Variants in RARB observed in about 807,000 individuals in gnomAD.
The protein encoded by RARB is HBV-activated protein.
In RARB, 17 loss-of-function variants were observed where a neutral mutation model predicts 51.9. That is an observed-to-expected ratio of 0.33 (90% CI 0.22 to 0.49). The LOEUF is 0.49. RARB is among the 20% of genes least tolerant of loss of function. The probability of loss-of-function intolerance (pLI) is 0.99; values close to 1 mark genes in which losing one functional copy is unlikely to be tolerated. For missense variants in RARB, 369 were observed against 550.8 expected (o/e 0.67, Z 3.30); for synonymous variants, 215 against 195.4 (o/e 1.10, Z -0.84).
At chr3:25,275,189 C>T (rs565664053) in intron 5 of RARB, among the ~76,000 whole-genome samples, 29 of 152,256 alleles carry the variant, frequency 1.9e-4, no homozygotes, top group African/African-American at 6.3e-4. Context: ...TGGCTAGGCG[C>T]GGTGGCTCAC....
chr3:25,443,945 A>G (rs944201433), intron 1 of RARB, among the ~76,000 whole-genome samples: 1 of 152,132 alleles, frequency 6.6e-6, no homozygotes, highest in South Asian at 2.1e-4. Context: ...AGTAATAATA[A>G]TAATAATAAA....
intron 2 of RARB, among the ~76,000 whole-genome samples, chr3:25,039,021 T>A (rs1203612971): frequency 6.6e-6 from 1 of 152,194 alleles, no homozygotes; most frequent in African/African-American, 2.4e-5. Flanking sequence ...GGTTTAGAAC[T>A]AATGGGAAAG....
chr3:25,298,610 A>G (rs551204856), intron 5 of RARB, among the ~76,000 whole-genome samples: 1 of 152,108 alleles, frequency 6.6e-6, no homozygotes, highest in African/African-American at 2.4e-5. Context: ...AGTCCCGGGT[A>G]TGACACTAGC....
intron 2 of RARB, among the ~76,000 whole-genome samples, chr3:24,947,996 GCT>G (rs1695811280): frequency 6.6e-6 from 1 of 151,812 alleles, no homozygotes; most frequent in Non-Finnish European, 1.5e-5. Context: ...AGCTCTATGA[GCT>G]CTCTTTGCTC....
chr3:25,161,970 A>T (rs1218989055), intron 4 of RARB, among the ~76,000 whole-genome samples: 1 of 152,196 alleles, frequency 6.6e-6, no homozygotes, highest in Non-Finnish European at 1.5e-5. Flanking sequence ...ACCAAGACAG[A>T]CAGACACACA....
intron 1 of RARB, among the ~76,000 whole-genome samples, chr3:24,849,991 A>C (rs755954640): frequency 2.6e-5 from 4 of 152,230 alleles, no homozygotes; most frequent in Non-Finnish European, 5.9e-5. Flanking sequence ...AAGCACAGAC[A>C]TTTCTCGCAG....
At chr3:25,018,847 G>A (rs1575121315) in intron 2 of RARB, among the ~76,000 whole-genome samples, 1 of 152,104 alleles carries the variant, frequency 6.6e-6, no homozygotes, top group Non-Finnish European at 1.5e-5. Context: ...TCTGGGTGAT[G>A]GATAAGAAAC....
At chr3:25,364,345 A>G (rs976643691) in intron 5 of RARB, among the ~76,000 whole-genome samples, 3 of 152,174 alleles carry the variant, frequency 2.0e-5, no homozygotes, top group Non-Finnish European at 4.4e-5. Context: ...GGTGGTAAGC[A>G]ATTTTTAAAC....
At chr3:24,993,213 A>C (rs1021915460) in intron 2 of RARB, among the ~76,000 whole-genome samples, 1 of 152,176 alleles carries the variant, frequency 6.6e-6, no homozygotes, top group African/African-American at 2.4e-5. Context: ...AATATTCTCA[A>C]CTTTTAAAAA....
intron 5 of RARB, among the ~76,000 whole-genome samples, chr3:25,286,176 T>TG (rs1703649229): frequency 8.0e-6 from 1 of 124,460 alleles, no homozygotes; most frequent in Admixed American, 9.3e-5. Context: ...GCAAGCTCCA[T>TG]CTCCCGGGTT....
At chr3:25,476,546 A>C (rs1695956232) in intron 2 of RARB, among the ~76,000 whole-genome samples, 1 of 152,142 alleles carries the variant, frequency 6.6e-6, no homozygotes. Flanking sequence ...TGGCACCCCA[A>C]ATTGCCTCCC....
intron 5 of RARB, among the ~76,000 whole-genome samples, chr3:25,337,089 C>A (rs1041272777): frequency 1.3e-5 from 2 of 152,038 alleles, no homozygotes; most frequent in African/African-American, 2.4e-5. Context: ...GAATGGGATG[C>A]CCCTGAAAAG....
intron 5 of RARB, among the ~76,000 whole-genome samples, chr3:25,581,274 G>A (rs1265152879): frequency 1.3e-5 from 2 of 152,202 alleles, no homozygotes; most frequent in African/African-American, 4.8e-5. Flanking sequence ...AAAAAGCAAT[G>A]TTTTTATAGC....
chr3:24,921,778 T>C (rs1191606674), intron 2 of RARB, among the ~76,000 whole-genome samples: 3 of 152,162 alleles, frequency 2.0e-5, no homozygotes, highest in Non-Finnish European at 2.9e-5. Flanking sequence ...ATAGGAAAAA[T>C]ACAATAATCT....
intron 5 of RARB, among the ~76,000 whole-genome samples, chr3:25,180,664 C>A (rs1483102245): frequency 6.6e-6 from 1 of 152,156 alleles, no homozygotes; most frequent in African/African-American, 2.4e-5. Flanking sequence ...CGTGATGCAG[C>A]GACTCATTCT....
At chr3:25,343,056 G>A (rs1705281190) in intron 5 of RARB, among the ~76,000 whole-genome samples, 1 of 150,054 alleles carries the variant, frequency 6.7e-6, no homozygotes, top group Admixed American at 6.6e-5. Flanking sequence ...GTGTGTGTGT[G>A]TGTGTGTGTG....
intron 3 of RARB, among the ~76,000 whole-genome samples, chr3:25,120,157 G>T (rs1402089724): frequency 2.0e-5 from 3 of 152,112 alleles, no homozygotes; most frequent in African/African-American, 7.2e-5. Flanking sequence ...CTATATCAGG[G>T]TTGCAAACCC....
At chr3:25,437,736 A>G (rs1708494209) in intron 1 of RARB, among the ~76,000 whole-genome samples, 1 of 152,186 alleles carries the variant, frequency 6.6e-6, no homozygotes, top group Admixed American at 6.5e-5. Flanking sequence ...GGCCTCATAG[A>G]TCATCTCTAA....
intron 2 of RARB, among the ~76,000 whole-genome samples, chr3:24,930,103 T>A (rs1325796414): frequency 6.6e-6 from 1 of 152,078 alleles, no homozygotes; most frequent in Non-Finnish European, 1.5e-5. Context: ...GGGATTTTTT[T>A]ATTGGTCATA....
Sources: gnomAD v4.1 joint callset for allele counts (sites outside exome capture counted in the v4.1 genomes callset) on GRCh38, gnomAD v4.1.1 for gene constraint, MANE v1.5 for transcripts, NCBI Gene and HGNC (gene_info 2026-07-23, HGNC 2026-07-21) for gene names.